EFTUD2: variants seen among roughly 807,000 people sequenced by gnomAD.
The protein encoded by EFTUD2 is elongation factor Tu GTP binding domain containing 2.
In EFTUD2, 9 loss-of-function variants were observed where a neutral mutation model predicts 114.3. That is an observed-to-expected ratio of 0.08 (90% CI 0.05 to 0.14). The LOEUF (loss-of-function observed/expected upper bound fraction) is 0.14, where lower values mean the gene tolerates loss of function less well. Among genes scored for constraint, EFTUD2 ranks in the 10% least tolerant of loss-of-function variants. EFTUD2 has a pLI of 1.00. For synonymous variants in EFTUD2, 449 were observed against 462.3 expected (o/e 0.97, Z 0.37); for missense variants, 765 against 1,241.2 (o/e 0.62, Z 5.76).
rs2050456235 is a variant in EFTUD2, at chr17:44,851,768, T to C, written c.2765A>G (p.Glu922Gly). Residue 922 changes from glutamate (E) to glycine (G), a missense_variant, in exon 27 of 28, where the codon GAG becomes GGG. This residue lies in a region of EFTUD2 where 166 missense variants were observed against 401.5 expected (regional missense o/e 0.41). Coordinates refer to ENST00000426333, the MANE Select transcript of EFTUD2 (RefSeq NM_004247.4). ...GGCCAGGTGAGGAGCTGGCTGTGGC[T>C]CCAAGGGGCGGATGACAATGCTCTT... is the stretch of plus-strand genomic sequence containing the variant. ...LDKSIVIRPLEPQPAPHLARE... is the reference protein window; with the variant it reads ...LDKSIVIRPLGPQPAPHLARE... 1 of 1,604,284 alleles carries C rather than the reference T, an allele frequency of 6.2e-7. No individual in the cohort carries two copies. The highest frequency in any genetic ancestry group is 8.5e-7 in the Non-Finnish European group (1 of 1,177,210).
At chr17:44,870,136 A>G (rs2050820543) in intron 11 of EFTUD2, among the ~76,000 whole-genome samples, 1 of 152,230 alleles carries the variant, frequency 6.6e-6, no homozygotes, top group African/African-American at 2.4e-5. Context: ...GCTTTCCATG[A>G]TAACGCTGCT....
intron 9 of EFTUD2, among the ~76,000 whole-genome samples, chr17:44,877,294 A>G (rs1212455583): frequency 6.6e-6 from 1 of 152,184 alleles, no homozygotes; most frequent in African/African-American, 2.4e-5. Context: ...TTTGTGCTTG[A>G]AAGTAAGGAA....
At chr17:44,867,127 C>T (rs1042307067) in intron 13 of EFTUD2, among the ~76,000 whole-genome samples, 5 of 152,028 alleles carry the variant, frequency 3.3e-5, no homozygotes, top group Non-Finnish European at 7.4e-5. Flanking sequence ...ATAATAAACA[C>T]TTTGACTTAT....
rs111300829 is a variant in EFTUD2 at position 44,855,083 on chromosome 17, C to T, written c.2046-79G>A. 2.7e-4 allele frequency: 349 copies of T among 1,302,916 alleles called. 1 individual carries two copies. In the South Asian group the frequency reaches 3.4e-3, roughly 13 times the overall value. 80.7% of individuals were successfully genotyped at this position (1,302,916 alleles called of 1,614,324 possible). A position where few individuals can be genotyped will look rare whatever the true frequency, so the allele number is the denominator to read the frequency against. On this transcript the variant is annotated intron_variant, in intron 20 of 27. Transcript: ENST00000426333. Reference sequence around the variant, plus strand: ...CATTACTAAGAAAAGGGTAACAAGACGGACAGCTGAGGAAGTGACATCAGT... The same window carrying T: ...CATTACTAAGAAAAGGGTAACAAGATGGACAGCTGAGGAAGTGACATCAGT...
chr17:44,895,076 A>G (rs958771741), intron 1 of EFTUD2, among the ~76,000 whole-genome samples: 1 of 152,292 alleles, frequency 6.6e-6, no homozygotes, highest in Non-Finnish European at 1.5e-5. Flanking sequence ...CTGTTTTTAC[A>G]TGGCCCTCAA....
intron 2 of EFTUD2, chr17:44,892,455 A>G (rs1384664312): frequency 3.3e-5 from 5 of 152,074 alleles, no homozygotes; most frequent in Non-Finnish European, 7.4e-5. Flanking sequence ...GACCTCCTCT[A>G]ATTGTATTAT....
intron 2 of EFTUD2, chr17:44,894,036 C>T (rs989095186): frequency 5.7e-6 from 1 of 176,880 alleles, no homozygotes; most frequent in African/African-American, 2.5e-5. Context: ...TGCCACTGCG[C>T]TCCTGCCTGG....
intron 11 of EFTUD2, among the ~76,000 whole-genome samples, chr17:44,869,979 A>G (rs1259521797): frequency 6.6e-6 from 1 of 152,220 alleles, no homozygotes; most frequent in East Asian, 1.9e-4. Context: ...CAGTTTTGGT[A>G]GTAAGGTGTA....
At position 44,880,662 on chromosome 17, in the gene EFTUD2, T is replaced by C. The variant is rs1292364260; in HGVS notation, c.529-18A>G. The C allele has an allele frequency of 6.2e-7, 1 of 1,606,770 alleles. No homozygotes were observed. The highest frequency in any genetic ancestry group is 1.3e-5 in the African/African-American group (1 of 74,736). On this transcript the variant is annotated intron_variant, in intron 7 of 27. Transcript: ENST00000426333. Reference sequence around the variant, plus strand: ...ACACCTCTCTGAAAGGAACAAAGAGTGGTCAAGACCTCTTCCTATGCAAGA... The same window carrying C: ...ACACCTCTCTGAAAGGAACAAAGAGCGGTCAAGACCTCTTCCTATGCAAGA...
chr17:44,868,987 A>G (rs902800859), intron 11 of EFTUD2, among the ~76,000 whole-genome samples: 34 of 152,226 alleles, frequency 2.2e-4, no homozygotes, highest in African/African-American at 6.3e-4. Context: ...GTGACATCCA[A>G]TTAGATAACT....
At chr17:44,855,380 G>A (rs994964766) in intron 20 of EFTUD2, among the ~76,000 whole-genome samples, 8 of 152,162 alleles carry the variant, frequency 5.3e-5, no homozygotes, top group African/African-American at 1.9e-4. Context: ...GGCCAACATG[G>A]TGAAACCCCA....
chr17:44,885,216 C>G, intron 4 of EFTUD2, 40 bp downstream of exon 4: 1 of 1,534,608 alleles, frequency 6.5e-7, no homozygotes, highest in Non-Finnish European at 9.0e-7. Flanking sequence ...CATGAACCCA[C>G]AGCATTCCTG....
chr17:44,887,974 TA>T (rs1340914320), intron 2 of EFTUD2, among the ~76,000 whole-genome samples: 1 of 152,216 alleles, frequency 6.6e-6, no homozygotes, highest in African/African-American at 2.4e-5. Context: ...TAATATGTGC[TA>T]AGCACTGTTC....
At chr17:44,886,876 C>T (rs921402735) in intron 2 of EFTUD2, 126 bp from the exon 3 acceptor site, 21 of 1,453,026 alleles carry the variant, frequency 1.4e-5, no homozygotes, top group Non-Finnish European at 2.7e-6. Context: ...AGTTCTATGC[C>T]AGTGGGGGAG....
chr17:44,884,129 G>A (rs189948349), intron 4 of EFTUD2: 255 of 185,572 alleles, frequency 1.4e-3, no homozygotes, highest in African/African-American at 5.8e-3. Context: ...TAGGCCGGGA[G>A]CAGAGGCTCA....
At position 44,850,541 on chromosome 17, in the gene EFTUD2, T is replaced by G; in HGVS notation, c.*733A>C. The stretch of plus-strand genomic sequence containing the variant: ...GACTGGTGGTAGCTGGGGAGAGGAC[T>G]TGGAGTAAATGGCTGGAAATCAAAG... On this transcript the variant is annotated 3_prime_UTR_variant, in exon 28 of 28. Coordinates refer to ENST00000426333, the MANE Select transcript of EFTUD2 (RefSeq NM_004247.4). 1.7e-6 allele frequency: 1 copy of G among 597,796 alleles called. No homozygotes were observed. Among genetic ancestry groups the G allele is most frequent in the Non-Finnish European group, 3.0e-6 (1 of 333,544 alleles). 37.0% of individuals were successfully genotyped at this position (597,796 alleles called of 1,614,324 possible).
chr17:44,866,781 C>T (rs143368522), intron 13 of EFTUD2, among the ~76,000 whole-genome samples: 245 of 152,244 alleles, frequency 1.6e-3, no homozygotes, highest in African/African-American at 5.8e-3. Flanking sequence ...TAACTTATTT[C>T]CAGTTTTTTC....
rs766967728 is a variant in EFTUD2 at position 44,859,920 on chromosome 17, T to C, written c.1845A>G (p.Pro615=). 10 of 1,614,056 alleles carry C rather than the reference T, an allele frequency of 6.2e-6. No homozygotes were observed. The African/African-American group carries it at 1.2e-4, about 19-fold the overall frequency. ...ATGGGCATACCTTGGTGGTGAGGGA[T>C]GGATAGCTCTTGTTGACCTTGCGCA... ...DGLRKVNKSY[P]SLTTKVEESG... The change falls in exon 18 of 28, where the codon CCA becomes CCG. Residue 615 remains proline (P), a synonymous_variant. Transcript: ENST00000426333.
chr17:44,867,291 CCTTT>C (rs1450816553), intron 13 of EFTUD2, among the ~76,000 whole-genome samples: 1 of 148,004 alleles, frequency 6.8e-6, no homozygotes, highest in Non-Finnish European at 1.5e-5. Context: ...TTTTCCCTTT[CCTTT>C]GATTTTTTTT....
Sources: gnomAD v4.1 joint callset for allele counts (sites outside exome capture counted in the v4.1 genomes callset) on GRCh38, gnomAD v4.1.1 for gene constraint, gnomAD v4.1.1 regional missense constraint, MANE v1.5 for transcripts, NCBI Gene and HGNC (gene_info 2026-07-23, HGNC 2026-07-21) for gene names.